The following SLC24A2 variants were observed in gnomAD, a reference collection of about 807,000 sequenced individuals.
The protein encoded by SLC24A2 is solute carrier family 24 member 2, also known as sodium/potassium/calcium exchanger 2.
In SLC24A2, 36 loss-of-function variants were observed where a neutral mutation model predicts 62.0. The ratio of observed to expected loss-of-function variants is 0.58; its 90% CI spans 0.44 to 0.77. The LOEUF is 0.77. SLC24A2 is among the 30% of genes least tolerant of loss of function. The pLI, the probability that SLC24A2 is intolerant of heterozygous loss-of-function variation, is 0.00. For missense variants in SLC24A2, 846 were observed against 817.9 expected (o/e 1.03, Z -0.42); for synonymous variants, 358 against 294.0 (o/e 1.22, Z -2.23).
the SLC24A2 span, among the ~76,000 whole-genome samples, chr9:19,952,890 A>T: frequency 4.6e-5 from 7 of 152,032 alleles, no homozygotes; most frequent in East Asian, 1.9e-4. Flanking sequence ...TTTTAAAAAT[A>T]TATGTTTGAT....
At chr9:19,933,836 A>C in the SLC24A2 span, among the ~76,000 whole-genome samples, 1 of 152,182 alleles carries the variant, frequency 6.6e-6, no homozygotes, top group East Asian at 1.9e-4. Flanking sequence ...AATAACCTGA[A>C]AACTTTATCC....
At chr9:20,234,240 G>A in the SLC24A2 span, among the ~76,000 whole-genome samples, 21 of 151,836 alleles carry the variant, frequency 1.4e-4, no homozygotes, top group South Asian at 1.3e-3. Flanking sequence ...TCTTTGTGGC[G>A]TTCTCTGTAT....
chr9:19,592,477 C>T (rs1836582363), intron 5 of SLC24A2, among the ~76,000 whole-genome samples: 1 of 38,816 alleles, frequency 2.6e-5, no homozygotes, highest in African/African-American at 8.9e-5. Flanking sequence ...TATCTACCGA[C>T]CTACCTACCT....
intron 2 of SLC24A2, among the ~76,000 whole-genome samples, chr9:19,651,683 A>C (rs1188043263): frequency 6.6e-6 from 1 of 152,228 alleles, no homozygotes; most frequent in Non-Finnish European, 1.5e-5. Context: ...CGCTGCCAGA[A>C]ACCCTAGAGA....
chr9:19,582,320 C>A (rs1444232479), intron 5 of SLC24A2, among the ~76,000 whole-genome samples: 1 of 152,102 alleles, frequency 6.6e-6, no homozygotes, highest in African/African-American at 2.4e-5. Context: ...TTAAAACAGC[C>A]CCTTGGAAAT....
chr9:19,957,118 T>A, the SLC24A2 span, among the ~76,000 whole-genome samples: 2 of 152,210 alleles, frequency 1.3e-5, no homozygotes, highest in Non-Finnish European at 2.9e-5. Flanking sequence ...CTAGAGTAAA[T>A]GATACGAAAT....
chr9:19,652,572 A>C (rs1463241085), intron 2 of SLC24A2, among the ~76,000 whole-genome samples: 2 of 152,176 alleles, frequency 1.3e-5, no homozygotes, highest in African/African-American at 2.4e-5. Flanking sequence ...AAGATTGAAG[A>C]GGCAAAGAGA....
chr9:19,929,431 C>T, the SLC24A2 span: 5 of 152,126 alleles, frequency 3.3e-5, no homozygotes, highest in East Asian at 1.9e-4. Context: ...ACTTTTCAGT[C>T]AACAACAGAT....
chr9:19,539,509 G>C lies in SLC24A2; in HGVS notation c.1479+10628C>G, dbSNP rs1223428263. Among the ~76,000 whole-genome samples the C allele has an allele frequency of 1.9e-4, 27 of 145,132 alleles. No individual in the cohort carries two copies. In the East Asian group the frequency reaches 3.1e-3, roughly 17 times the overall value. Reference sequence around the variant, plus strand: ...GGTTGTTCAGTTTCCATGTAGTTGAGCGGCTTTGAGTGAGATTCTTAATCC... The same window carrying C: ...GGTTGTTCAGTTTCCATGTAGTTGACCGGCTTTGAGTGAGATTCTTAATCC... On this transcript the variant is annotated intron_variant, in intron 8 of 10. Coordinates refer to ENST00000341998, the MANE Select transcript of SLC24A2 (RefSeq NM_020344.4).
chr9:19,874,333 T>C, the SLC24A2 span, among the ~76,000 whole-genome samples: 3 of 152,142 alleles, frequency 2.0e-5, no homozygotes, highest in Non-Finnish European at 2.9e-5. Flanking sequence ...TGGAAATTTA[T>C]TTCCTCCACA....
chr9:20,029,979 T>C, the SLC24A2 span, among the ~76,000 whole-genome samples: 8 of 152,092 alleles, frequency 5.3e-5, no homozygotes, highest in Admixed American at 5.2e-4. Flanking sequence ...AACTTGAGGG[T>C]TTTTTGAAAT....
At chr9:19,825,431 G>T in the SLC24A2 span, among the ~76,000 whole-genome samples, 1 of 152,144 alleles carries the variant, frequency 6.6e-6, no homozygotes, top group Non-Finnish European at 1.5e-5. Flanking sequence ...CTACTCTGGG[G>T]AAATAGACAC....
the SLC24A2 span, among the ~76,000 whole-genome samples, chr9:19,941,937 A>G: frequency 6.6e-6 from 1 of 152,192 alleles, no homozygotes; most frequent in Non-Finnish European, 1.5e-5. Context: ...TTATGTATAC[A>G]ATAAGGATTT....
At chr9:20,100,216 T>TTTTTG in the SLC24A2 span, among the ~76,000 whole-genome samples, 4 of 151,944 alleles carry the variant, frequency 2.6e-5, no homozygotes, top group Admixed American at 1.3e-4. Flanking sequence ...TTTTTTTGTT[T>TTTTTG]TTTTGTTTTG....
At chr9:19,923,623 A>G in the SLC24A2 span, among the ~76,000 whole-genome samples, 1 of 152,246 alleles carries the variant, frequency 6.6e-6, no homozygotes, top group East Asian at 1.9e-4. Flanking sequence ...TGGAGGAATG[A>G]CAAGTTCACA....
At chr9:20,171,639 TA>T in the SLC24A2 span, among the ~76,000 whole-genome samples, 1 of 152,014 alleles carries the variant, frequency 6.6e-6, no homozygotes, top group African/African-American at 2.4e-5. Flanking sequence ...TATATAATGA[TA>T]AAAGGCCTTA....
chr9:20,152,784 A>G, the SLC24A2 span, among the ~76,000 whole-genome samples: 1 of 151,788 alleles, frequency 6.6e-6, no homozygotes, highest in Non-Finnish European at 1.5e-5. Flanking sequence ...TCTTCCCTGA[A>G]ATGTTCACTC....
chr9:19,746,323 G>A (rs1322348536), intron 2 of SLC24A2, among the ~76,000 whole-genome samples: 1 of 152,088 alleles, frequency 6.6e-6, no homozygotes, highest in African/African-American at 2.4e-5. Context: ...CAAAATCTAA[G>A]TGAAATGAAA....
At chr9:20,234,538 A>G in the SLC24A2 span, among the ~76,000 whole-genome samples, 2 of 152,174 alleles carry the variant, frequency 1.3e-5, no homozygotes, top group South Asian at 4.1e-4. Flanking sequence ...AGGCTTCTGC[A>G]TTCATCACGT....
Sources: gnomAD v4.1 joint callset for allele counts (sites outside exome capture counted in the v4.1 genomes callset) on GRCh38, gnomAD v4.1.1 for gene constraint, MANE v1.5 for transcripts, NCBI Gene and HGNC (gene_info 2026-07-23, HGNC 2026-07-21) for gene names.